ENAH: variants seen among roughly 807,000 people sequenced by gnomAD.
ENAH encodes ENAH actin regulator.
ENAH carries 23 observed loss-of-function variants against 78.7 expected under a neutral mutation model. The ratio of observed to expected loss-of-function variants is 0.29; its 90% CI spans 0.21 to 0.41. The LOEUF (loss-of-function observed/expected upper bound fraction) is 0.41, where lower values mean the gene tolerates loss of function less well. Ranked by LOEUF, ENAH falls within the 10% of genes least tolerant of loss-of-function variation. ENAH has a pLI of 1.00. For missense variants in ENAH, 544 were observed against 691.0 expected (o/e 0.79, Z 2.39); for synonymous variants, 226 against 241.0 (o/e 0.94, Z 0.58).
chr1:225,621,286 A>C (rs1446655090), intron 1 of ENAH, among the ~76,000 whole-genome samples: 31 of 149,558 alleles, frequency 2.1e-4, no homozygotes, highest in African/African-American at 6.8e-4. Context: ...ACTTCTTTAA[A>C]TCTATCTCTC....
chr1:225,541,205 C>T (rs577255878), intron 3 of ENAH, among the ~76,000 whole-genome samples: 2 of 152,252 alleles, frequency 1.3e-5, no homozygotes, highest in East Asian at 3.9e-4. Flanking sequence ...GAGGCCAAGG[C>T]GTGCGGATCA....
intron 3 of ENAH, among the ~76,000 whole-genome samples, chr1:225,554,309 A>G (rs1332475138): frequency 3.9e-5 from 6 of 152,340 alleles, no homozygotes; most frequent in South Asian, 2.1e-4. Flanking sequence ...TGACATATGT[A>G]CAGTTTTTAA....
intron 3 of ENAH, among the ~76,000 whole-genome samples, chr1:225,546,101 A>G (rs2096612560): frequency 6.6e-6 from 1 of 151,438 alleles, no homozygotes; most frequent in Non-Finnish European, 1.5e-5. Flanking sequence ...TTTTTAATAT[A>G]TGTATTTTTA....
At chr1:225,536,747 A>G (rs1028916514) in intron 3 of ENAH, among the ~76,000 whole-genome samples, 1 of 152,060 alleles carries the variant, frequency 6.6e-6, no homozygotes, top group Non-Finnish European at 1.5e-5. Context: ...ATTATTTAAC[A>G]TAATCCAATT....
chr1:225,562,430 G>A (rs2096711100), intron 2 of ENAH, among the ~76,000 whole-genome samples: 3 of 151,672 alleles, frequency 2.0e-5, no homozygotes, highest in Non-Finnish European at 4.4e-5. Flanking sequence ...AAATTAACCG[G>A]GCGTGGTGAC....
At chr1:225,639,309 C>T (rs1660598149) in intron 1 of ENAH, among the ~76,000 whole-genome samples, 1 of 152,088 alleles carries the variant, frequency 6.6e-6, no homozygotes. Flanking sequence ...TATATGTATA[C>T]ATGATTTATG....
rs1290994057 is a variant in ENAH, at chr1:225,517,276, T to C, written c.833A>G (p.Asn278Ser). The C allele has an allele frequency of 3.9e-6, 6 of 1,550,888 alleles. No homozygotes were observed. Among genetic ancestry groups the C allele is most frequent in the Non-Finnish European group, 4.4e-6 (5 of 1,146,920 alleles). Reference protein sequence around the residue: ...AAPASVETPLNSVLGDSSASE... With the variant: ...AAPASVETPLSSVLGDSSASE... ...AGCAGAAGAGTCTCCCAGCACAGAG[T>C]TTAGAGGAGTCTCAACAGAGGCAGG... is the stretch of plus-strand genomic sequence containing the variant. Residue 278 changes from asparagine (N) to serine (S), a missense_variant, in exon 6 of 14, where the codon AAC becomes AGC. Transcript: ENST00000366843.
At chr1:225,509,681 A>G (rs1049281603) in intron 10 of ENAH, among the ~76,000 whole-genome samples, 7 of 151,792 alleles carry the variant, frequency 4.6e-5, no homozygotes, top group Admixed American at 4.6e-4. Flanking sequence ...CACTGAACTC[A>G]GTACTTGCAG....
intron 1 of ENAH, among the ~76,000 whole-genome samples, chr1:225,634,931 A>G (rs1659791707): frequency 6.6e-6 from 1 of 152,148 alleles, no homozygotes; most frequent in African/African-American, 2.4e-5. Context: ...CATATGAATT[A>G]TTTTTGCAAA....
intron 1 of ENAH, among the ~76,000 whole-genome samples, chr1:225,582,157 T>C (rs2096821989): frequency 6.6e-6 from 1 of 151,476 alleles, no homozygotes; most frequent in Admixed American, 6.6e-5. Flanking sequence ...CTGGTTGTCT[T>C]CCCCCCCTCT....
intron 1 of ENAH, among the ~76,000 whole-genome samples, chr1:225,624,836 T>A (rs755902988): frequency 9.9e-5 from 15 of 152,050 alleles, no homozygotes; most frequent in Non-Finnish European, 1.9e-4. Context: ...GATTCTGCTT[T>A]TGTTATCTGT....
intron 1 of ENAH, among the ~76,000 whole-genome samples, chr1:225,651,351 A>T (rs186754927): frequency 6.6e-6 from 1 of 152,152 alleles, no homozygotes; most frequent in African/African-American, 2.4e-5. Context: ...GATATATCAC[A>T]ATATATATAT....
At chr1:225,644,061 T>C (rs1371092461) in intron 1 of ENAH, among the ~76,000 whole-genome samples, 2 of 152,170 alleles carry the variant, frequency 1.3e-5, no homozygotes, top group Admixed American at 1.3e-4. Context: ...TACTTTTATA[T>C]ATAATCATAT....
At chr1:225,601,523 C>CA (rs60046874) in intron 1 of ENAH, among the ~76,000 whole-genome samples, 398 of 93,576 alleles carry the variant, frequency 4.3e-3, no homozygotes, top group Middle Eastern at 0.015. Context: ...ATCTCCCCGC[C>CA]AAAAAAAAAA....
At chr1:225,517,022 G>GA (rs1345278290) in intron 6 of ENAH, among the ~76,000 whole-genome samples, 174 bp downstream of exon 6, 2 of 148,584 alleles carry the variant, frequency 1.3e-5, no homozygotes, top group Non-Finnish European at 3.0e-5. Flanking sequence ...AATCCAACAG[G>GA]AAAAACATTT....
At chr1:225,512,125 G>C (rs2096381796) in intron 9 of ENAH, among the ~76,000 whole-genome samples, 1 of 152,174 alleles carries the variant, frequency 6.6e-6, no homozygotes, top group Non-Finnish European at 1.5e-5. Flanking sequence ...ACGAGAGACA[G>C]ATTTGAGGAA....
At chr1:225,607,024 C>A (rs1437892300) in intron 1 of ENAH, among the ~76,000 whole-genome samples, 1 of 151,918 alleles carries the variant, frequency 6.6e-6, no homozygotes, top group Non-Finnish European at 1.5e-5. Context: ...ACCTTTTCCT[C>A]GGCAGAGTGG....
intron 3 of ENAH, among the ~76,000 whole-genome samples, chr1:225,548,110 T>A (rs932001152): frequency 1.3e-5 from 2 of 151,916 alleles, no homozygotes; most frequent in Non-Finnish European, 2.9e-5. Flanking sequence ...CCAAAAGATA[T>A]GTCTTTACCG....
chr1:225,506,336 C>G (rs907458897), intron 11 of ENAH, among the ~76,000 whole-genome samples: 5 of 152,150 alleles, frequency 3.3e-5, no homozygotes, highest in African/African-American at 1.2e-4. Flanking sequence ...CGCAGGTGTG[C>G]GCCACCATGC....
Sources: allele counts gnomAD v4.1 joint callset (sites outside exome capture counted in the v4.1 genomes callset), GRCh38; gene constraint gnomAD v4.1.1; transcripts MANE v1.5; gene names NCBI Gene and HGNC (gene_info 2026-07-23, HGNC 2026-07-21).